SMTNL1: variants seen among roughly 807,000 people sequenced by gnomAD.
SMTNL1 encodes smoothelin-like protein 1.
In SMTNL1, 41 loss-of-function variants were observed where a neutral mutation model predicts 46.6. The ratio of observed to expected loss-of-function variants is 0.88; its 90% CI spans 0.69 to 1.14. The LOEUF is 1.14. SMTNL1 is among the 50% of genes most tolerant of loss of function. The pLI, the probability that SMTNL1 is intolerant of heterozygous loss-of-function variation, is 0.00. For synonymous variants in SMTNL1, 234 were observed against 234.2 expected, an observed-to-expected ratio of 1.00 and a Z score of 0.01; for missense variants, 591 against 626.1, an observed-to-expected ratio of 0.94 and a Z score of 0.60.
At chr11:57,539,809 C>T (rs1459953385) in intron 1 of SMTNL1, among the ~76,000 whole-genome samples, 1 of 152,190 alleles carries the variant, frequency 6.6e-6, no homozygotes, top group East Asian at 1.9e-4. Flanking sequence ...TTTCTTAATC[C>T]TCCACCATCC....
At chr11:57,543,461 T>C in intron 2 of SMTNL1, 87 bp downstream of exon 2, 1 of 1,539,268 alleles carries the variant, frequency 6.5e-7, no homozygotes, top group Non-Finnish European at 8.7e-7. Context: ...GTTGGGAAAG[T>C]CCAGTTTTCC....
At chr11:57,538,865 TG>T (rs961574797) in intron 1 of SMTNL1, among the ~76,000 whole-genome samples, 3 of 152,152 alleles carry the variant, frequency 2.0e-5, no homozygotes, top group Non-Finnish European at 4.4e-5. Context: ...CTGTGAATGC[TG>T]GGGGTGGGTG....
chr11:57,546,558 C>T lies in SMTNL1; in HGVS notation c.1246C>T (p.Leu416Phe). Reference protein sequence around the residue: ...SWSSGMAFCALIHKFFPDAFD... With the variant: ...SWSSGMAFCAFIHKFFPDAFD... ...GAGCAGTGGTATGGCCTTCTGTGCC[C>T]TCATCCACAAGTTCTTCCCTGACGC... is the stretch of plus-strand genomic sequence containing the variant. Residue 416 changes from leucine to phenylalanine, a missense_variant, in exon 7 of 8, where the codon CTC becomes TTC. Coordinates refer to ENST00000527972, the MANE Select transcript of SMTNL1 (RefSeq NM_001105565.3). 1 of 1,614,204 alleles carries T rather than the reference C, an allele frequency of 6.2e-7. No homozygotes were observed. Among genetic ancestry groups the T allele is most frequent in the Non-Finnish European group, 8.5e-7 (1 of 1,180,022 alleles).
intron 1 of SMTNL1, among the ~76,000 whole-genome samples, chr11:57,539,066 C>T (rs556166610): frequency 2.0e-5 from 3 of 152,060 alleles, no homozygotes; most frequent in South Asian, 2.1e-4. Context: ...ATGGTTAGAG[C>T]GGCCAGTCTC....
intron 7 of SMTNL1, among the ~76,000 whole-genome samples, chr11:57,547,983 A>G (rs1415074970): frequency 6.6e-6 from 1 of 152,222 alleles, no homozygotes; most frequent in East Asian, 1.9e-4. Context: ...GAGGTGTCAG[A>G]CAGGCCCCCG....
rs1944947740 is a variant in SMTNL1 at position 57,550,204 on chromosome 11, G to C, written c.*92G>C. On this transcript the variant is annotated 3_prime_UTR_variant, in exon 8 of 8. Transcript: ENST00000527972. Reference sequence around the variant, plus strand: ...TCCCTTCTGCTCCATGGAGGCACCAGAGCCAGGGGCTTAGGCAAGGGTGTG... The same window carrying C: ...TCCCTTCTGCTCCATGGAGGCACCACAGCCAGGGGCTTAGGCAAGGGTGTG... 2.2e-6 allele frequency: 3 copies of C among 1,365,904 alleles called. No individual in the cohort carries two copies. In the South Asian group the frequency reaches 4.3e-5, roughly 20 times the overall value. 84.6% of individuals were successfully genotyped at this position (1,365,904 alleles called of 1,614,324 possible).
chr11:57,543,237 A>C lies in SMTNL1; in HGVS notation c.595A>C (p.Lys199Gln). 6.2e-7 allele frequency: 1 copy of C among 1,613,958 alleles called. No homozygotes were observed. The change falls in exon 2 of 8, where the codon AAG becomes CAG. Residue 199 changes from lysine (K) to glutamine (Q), a missense_variant. By Grantham distance (53) the Lys-to-Gln change is moderately conservative (BLOSUM62 1). Coordinates refer to ENST00000527972, the MANE Select transcript of SMTNL1 (RefSeq NM_001105565.3). The part of the protein sequence containing the change: ...PKEKATDEEA[K>Q]AESQKAVVED... Reference sequence around the variant, plus strand: ...GGAGAAGGCTACTGATGAAGAGGCCAAGGCTGAATCGCAGAAGGCTGTTGT... The same window carrying C: ...GGAGAAGGCTACTGATGAAGAGGCCCAGGCTGAATCGCAGAAGGCTGTTGT...
chr11:57,545,754 C>T (rs1944915933), intron 4 of SMTNL1, 127 bp from the exon 5 acceptor site: 1 of 897,618 alleles, frequency 1.1e-6, no homozygotes, highest in Non-Finnish European at 1.7e-6. Context: ...CCTCCCAGTG[C>T]TGGGCACAGC....
chr11:57,543,001 C>T lies in SMTNL1; in HGVS notation c.359C>T (p.Ser120Phe). 1 of 1,602,040 alleles carries T rather than the reference C, an allele frequency of 6.2e-7. No homozygotes were observed. The highest frequency in any genetic ancestry group is 8.5e-7 in the Non-Finnish European group (1 of 1,174,296). Residue 120 changes from serine to phenylalanine, a missense_variant, in exon 2 of 8, where the codon TCT (serine) becomes TTT (phenylalanine). Transcript: ENST00000527972. ...ACTGGCAGGAAAGAAGAGACCAAAT[C>T]TGAACCCAAAGAGGCTGAGGAAAAG... ...EMTGRKEETK[S>F]EPKEAEEKES...
At chr11:57,541,599 A>G (rs377460872) in intron 1 of SMTNL1, 14 of 1,359,164 alleles carry the variant, frequency 1.0e-5, no homozygotes, top group Middle Eastern at 2.2e-4. Context: ...TTCCTTGCCC[A>G]GGCCCACCTT....
At position 57,543,014 on chromosome 11, in the gene SMTNL1, G is replaced by C; in HGVS notation, c.372G>C (p.Glu124Asp). 6.2e-7 allele frequency: 1 copy of C among 1,602,854 alleles called. No individual in the cohort carries two copies. Among genetic ancestry groups the C allele is most frequent in the Non-Finnish European group, 8.5e-7 (1 of 1,174,678 alleles). Residue 124 changes from glutamate to aspartate, a missense_variant, in exon 2 of 8, where the codon GAG (glutamate) becomes GAC (aspartate). By Grantham distance (45) the Glu-to-Asp change is conservative. Coordinates refer to ENST00000527972, the MANE Select transcript of SMTNL1 (RefSeq NM_001105565.3). ...AAGAGACCAAATCTGAACCCAAAGAGGCTGAGGAAAAGGAGAGCACGCTGG... is the reference window on the plus strand; with the variant it reads ...AAGAGACCAAATCTGAACCCAAAGACGCTGAGGAAAAGGAGAGCACGCTGG... ...RKEETKSEPK[E>D]AEEKESTLAS...
chr11:57,547,882 C>T (rs961758515), intron 7 of SMTNL1, among the ~76,000 whole-genome samples: 4 of 152,254 alleles, frequency 2.6e-5, no homozygotes, highest in African/African-American at 9.6e-5. Context: ...GGAGGATTTC[C>T]TCTGGGGCCC....
At chr11:57,538,172 T>C (rs915567973) in intron 1 of SMTNL1, among the ~76,000 whole-genome samples, 1 of 152,058 alleles carries the variant, frequency 6.6e-6, no homozygotes, top group East Asian at 1.9e-4. Context: ...GTCTAAGCAA[T>C]TGAGGTCGGC....
In SMTNL1 at chr11:57,546,224, C is replaced by T. The variant is rs569917745; in HGVS notation, c.1074-9C>T. On this transcript the variant is annotated splice_polypyrimidine_tract_variant and intron_variant, in intron 5 of 7. Coordinates refer to ENST00000527972, the MANE Select transcript of SMTNL1 (RefSeq NM_001105565.3). ...TCTGGCTTGGCCTTGCACCCCTCTCCCCTCACAGGGCAGCTTCCGGCCCCA... is the reference window on the plus strand; with the variant it reads ...TCTGGCTTGGCCTTGCACCCCTCTCTCCTCACAGGGCAGCTTCCGGCCCCA... The T allele has an allele frequency of 7.3e-5, 116 of 1,586,788 alleles. No individual in the cohort carries two copies. In the South Asian group the frequency reaches 1.2e-3, roughly 16 times the overall value.
intron 4 of SMTNL1, among the ~76,000 whole-genome samples, chr11:57,544,687 CT>C (rs1287647367): frequency 6.6e-6 from 1 of 152,200 alleles, no homozygotes; most frequent in East Asian, 1.9e-4. Context: ...TATTCTCAGG[CT>C]TCAATGAGTA....
At chr11:57,540,694 T>A (rs1289622884) in intron 1 of SMTNL1, among the ~76,000 whole-genome samples, 1 of 149,464 alleles carries the variant, frequency 6.7e-6, no homozygotes, top group African/African-American at 2.5e-5. Flanking sequence ...TGTGCGTCCA[T>A]CCCCCTGGCT....
intron 1 of SMTNL1, among the ~76,000 whole-genome samples, chr11:57,539,618 T>A (rs1261495969): frequency 1.3e-5 from 2 of 152,184 alleles, no homozygotes; most frequent in Non-Finnish European, 2.9e-5. Context: ...TTTTGTTTTT[T>A]TAAGAGCTGA....
intron 1 of SMTNL1, among the ~76,000 whole-genome samples, chr11:57,539,671 T>C (rs1275332386): frequency 1.3e-5 from 2 of 152,210 alleles, no homozygotes; most frequent in African/African-American, 4.8e-5. Context: ...TGGCTATTCA[T>C]AGGCATCATT....
Position 57,543,737 on chromosome 11 carries a change from G to C in SMTNL1, c.846G>C (p.Glu282Asp). Residue 282 changes from glutamate to aspartate, a missense_variant, in exon 3 of 8, where the codon GAG (glutamate) becomes GAC (aspartate). Glu to Asp is a conservative substitution (Grantham distance 45). Coordinates refer to ENST00000527972, the MANE Select transcript of SMTNL1 (RefSeq NM_001105565.3). ...PEEWPESPTG[E>D]GHNLSTDGLG... ...AGTGGCCTGAGAGCCCCACTGGGGA[G>C]GGGCACAACCTCAGCACAGGTGAGT... 6.4e-7 allele frequency: 1 copy of C among 1,563,468 alleles called. No individual in the cohort carries two copies. The highest frequency in any genetic ancestry group is 8.7e-7 in the Non-Finnish European group (1 of 1,153,984).
Sources: allele counts gnomAD v4.1 joint callset (sites outside exome capture counted in the v4.1 genomes callset), GRCh38; gene constraint gnomAD v4.1.1; transcripts MANE v1.5; gene names NCBI Gene and HGNC (gene_info 2026-07-23, HGNC 2026-07-21).